CCSER1: variants seen among roughly 807,000 people sequenced by gnomAD.
CCSER1 encodes serine-rich coiled-coil domain-containing protein 1.
In CCSER1, 41 loss-of-function variants were observed where a neutral mutation model predicts 82.0. The ratio of observed to expected loss-of-function variants is 0.50; its 90% CI spans 0.39 to 0.65. The LOEUF (loss-of-function observed/expected upper bound fraction) is 0.65. Among genes scored for constraint, CCSER1 ranks in the 30% least tolerant of loss-of-function variants. CCSER1 has a pLI of 0.00. For missense variants in CCSER1, 1,119 were observed against 1,064.2 expected (o/e 1.05, Z -0.72); for synonymous variants, 414 against 383.9 (o/e 1.08, Z -0.92).
intron 9 of CCSER1, among the ~76,000 whole-genome samples, chr4:90,977,160 G>A (rs1735684072): frequency 6.6e-6 from 1 of 151,420 alleles, no homozygotes; most frequent in Non-Finnish European, 1.5e-5. Flanking sequence ...GTGACAACGA[G>A]AACACAATAT....
chr4:90,637,130 G>A (rs1280081350), intron 6 of CCSER1, among the ~76,000 whole-genome samples: 6 of 152,130 alleles, frequency 3.9e-5, no homozygotes, highest in South Asian at 2.1e-4. Context: ...GGCTGAAGGC[G>A]TCTCATTAGT....
intron 8 of CCSER1, among the ~76,000 whole-genome samples, chr4:90,918,953 A>T (rs1561363543): frequency 6.6e-6 from 1 of 151,918 alleles, no homozygotes; most frequent in East Asian, 1.9e-4. Context: ...CTCTATGTTG[A>T]CTTTATCATT....
At chr4:91,017,833 G>GT (rs1739569516) in intron 9 of CCSER1, among the ~76,000 whole-genome samples, 1 of 146,148 alleles carries the variant, frequency 6.8e-6, no homozygotes, top group Non-Finnish European at 1.5e-5. Context: ...GTGTGTGTGT[G>GT]TGTGTGTGTA....
At chr4:91,019,463 T>C (rs1016256473) in intron 9 of CCSER1, among the ~76,000 whole-genome samples, 3 of 152,156 alleles carry the variant, frequency 2.0e-5, no homozygotes, top group East Asian at 1.9e-4. Context: ...AATAATAAAT[T>C]TGGAATTTTA....
At chr4:91,113,252 T>C (rs141585580) in intron 10 of CCSER1, among the ~76,000 whole-genome samples, 1 of 152,264 alleles carries the variant, frequency 6.6e-6, no homozygotes, top group Non-Finnish European at 1.5e-5. Flanking sequence ...CGCATGACAT[T>C]GTGTTGGGAG....
chr4:91,452,127 C>A (rs1471026579), intron 10 of CCSER1, among the ~76,000 whole-genome samples: 1 of 151,958 alleles, frequency 6.6e-6, no homozygotes, highest in African/African-American at 2.4e-5. Flanking sequence ...ACTTCTATGG[C>A]AGGAGTCTCA....
At chr4:91,098,376 A>T (rs1301174097) in intron 10 of CCSER1, among the ~76,000 whole-genome samples, 1 of 152,232 alleles carries the variant, frequency 6.6e-6, no homozygotes, top group African/African-American at 2.4e-5. Flanking sequence ...CCAACCTGCA[A>T]CATTAGCACA....
rs1764738173 is a variant in CCSER1, at chr4:91,599,630, T to C, written c.*573T>C. 1 of 152,212 alleles carries C rather than the reference T, an allele frequency of 6.6e-6. No homozygotes were observed. The highest frequency in any genetic ancestry group is 1.9e-4 in the East Asian group (1 of 5,192). 9.4% of individuals were successfully genotyped at this position (152,212 alleles called of 1,614,324 possible). On this transcript the variant is annotated 3_prime_UTR_variant, in exon 11 of 11. Transcript: ENST00000509176. ...ACATACATTCAAGCTCATCTTGTGATACTAGTAAGGGGGAAATGGCTGTAT... is the reference window on the plus strand; with the variant it reads ...ACATACATTCAAGCTCATCTTGTGACACTAGTAAGGGGGAAATGGCTGTAT...
At chr4:91,306,059 T>TCAGTGTGTTTG (rs1745048983) in intron 10 of CCSER1, among the ~76,000 whole-genome samples, 1 of 139,538 alleles carries the variant, frequency 7.2e-6, no homozygotes, top group Non-Finnish European at 1.6e-5. Context: ...ATCAGTGTGT[T>TCAGTGTGTTTG]TGTGTGTGTG....
chr4:91,243,242 C>G (rs529101938), intron 10 of CCSER1, among the ~76,000 whole-genome samples: 139 of 152,366 alleles, frequency 9.1e-4, no homozygotes, highest in African/African-American at 3.3e-3. Context: ...GAATTTCCCA[C>G]TCCAGCATTC....
At chr4:91,305,944 C>T (rs916728663) in intron 10 of CCSER1, among the ~76,000 whole-genome samples, 2 of 151,842 alleles carry the variant, frequency 1.3e-5, no homozygotes, top group Admixed American at 6.6e-5. Flanking sequence ...GAACATGCCC[C>T]CATGATTCAG....
At chr4:90,801,013 T>G (rs1756734852) in intron 7 of CCSER1, among the ~76,000 whole-genome samples, 1 of 152,144 alleles carries the variant, frequency 6.6e-6, no homozygotes. Context: ...CTACATTACA[T>G]TAGAAAAGTT....
At chr4:90,735,565 C>T (rs560772236) in intron 7 of CCSER1, among the ~76,000 whole-genome samples, 11 of 152,128 alleles carry the variant, frequency 7.2e-5, no homozygotes, top group Non-Finnish European at 1.5e-4. Flanking sequence ...TTATGTGTCT[C>T]AAAATTTATC....
intron 10 of CCSER1, among the ~76,000 whole-genome samples, chr4:91,125,569 C>T (rs1467296591): frequency 6.6e-6 from 1 of 151,632 alleles, no homozygotes; most frequent in Non-Finnish European, 1.5e-5. Context: ...TCCCTAATGC[C>T]TTTACAAAAC....
rs570544605 is a variant in CCSER1, at chr4:91,443,854, A to T, written c.2218-154718A>T. ...ATTATATAGATATTTAACAATTCAG[A>T]ATAATTTATTTGTCCAAATACTTGA... On this transcript the variant is annotated intron_variant, in intron 10 of 10. Coordinates refer to ENST00000509176, the MANE Select transcript of CCSER1 (RefSeq NM_001145065.2). 1.2e-4 allele frequency among the ~76,000 whole-genome samples: 18 copies of T among 151,416 alleles called. No individual in the cohort carries two copies. In the East Asian group the frequency reaches 3.3e-3, roughly 28 times the overall value.
chr4:90,319,746 G>A (rs904604537), intron 3 of CCSER1, among the ~76,000 whole-genome samples: 3 of 152,148 alleles, frequency 2.0e-5, no homozygotes, highest in African/African-American at 7.2e-5. Context: ...AAATGTTAAT[G>A]GCTTTGGGGA....
At chr4:90,585,173 G>A (rs1477450630) in intron 5 of CCSER1, among the ~76,000 whole-genome samples, 6 of 152,124 alleles carry the variant, frequency 3.9e-5, no homozygotes, top group African/African-American at 1.4e-4. Flanking sequence ...AAGCCACAAT[G>A]AAATATTACT....
chr4:90,466,654 A>G (rs62312948), intron 4 of CCSER1, among the ~76,000 whole-genome samples: 16,259 of 152,214 alleles, frequency 0.11, 1,388 homozygotes, highest in African/African-American at 0.23. Flanking sequence ...TTTTTATGCT[A>G]CAATAGAAAA....
Position 90,453,046 on chromosome 4 carries a change from T to G in CCSER1, c.1604-15188T>G, listed in dbSNP as rs544410464. 1.7e-3 allele frequency among the ~76,000 whole-genome samples: 261 copies of G among 152,284 alleles called. 1 individual carries two copies. Among genetic ancestry groups the G allele is most frequent in the African/African-American group, 6.1e-3 (252 of 41,550 alleles). On this transcript the variant is annotated intron_variant, in intron 4 of 10. Transcript: ENST00000509176. Reference sequence around the variant, plus strand: ...GATAATGTATACATATTGTAAAACTTTAACCTGAGAATAAAGGAACTCAGA... The same window carrying G: ...GATAATGTATACATATTGTAAAACTGTAACCTGAGAATAAAGGAACTCAGA...
Sources: allele counts gnomAD v4.1 joint callset (sites outside exome capture counted in the v4.1 genomes callset), GRCh38; gene constraint gnomAD v4.1.1; transcripts MANE v1.5; gene names NCBI Gene and HGNC (gene_info 2026-07-23, HGNC 2026-07-21).